SULT1B1: variants seen among roughly 807,000 people sequenced by gnomAD.
SULT1B1 encodes the protein sulfotransferase family 1B member 1.
A neutral mutation model predicts 34.6 loss-of-function variants in SULT1B1; 28 were observed. The ratio of observed to expected loss-of-function variants is 0.81; its 90% CI spans 0.60 to 1.11. SULT1B1 has a LOEUF of 1.11. Among genes scored for constraint, SULT1B1 ranks in the 50% least tolerant of loss-of-function variants. The pLI, the probability that SULT1B1 is intolerant of heterozygous loss-of-function variation, is 0.00. For missense variants in SULT1B1, 374 were observed against 352.2 expected (o/e 1.06, Z -0.50); for synonymous variants, 147 against 110.2 (o/e 1.33, Z -2.09).
Position 69,749,764 on chromosome 4 carries a change from G to A in SULT1B1, c.332C>T (p.Pro111Leu), listed in dbSNP as rs150406987. The part of the protein sequence containing the change: ...PSPRIVKTHL[P>L]TDLLPKSFWE... ...GAAAGATTTAGGAAGAAGATCAGTC[G>A]GTAGATGTGTTTTCACAATCCGGGG... The change falls in exon 4 of 8, where the codon CCG becomes CTG. Residue 111 changes from proline (P) to leucine (L), a missense_variant. Physicochemically the swap from Pro to Leu is moderately conservative, Grantham distance 98. Coordinates refer to ENST00000310613, the MANE Select transcript of SULT1B1 (RefSeq NM_014465.4). The A allele has an allele frequency of 1.7e-5, 28 of 1,613,568 alleles. No homozygotes were observed. Among genetic ancestry groups the A allele is most frequent in the African/African-American group, 1.3e-4 (10 of 75,012 alleles).
At chr4:69,730,808 GT>G in intron 6 of SULT1B1, 127 bp from the exon 7 acceptor site, 1 of 803,676 alleles carries the variant, frequency 1.2e-6, no homozygotes, top group South Asian at 2.2e-5. Context: ...ATTTGTTTGG[GT>G]TTTTCTCAAT....
rs892000826 is a variant in SULT1B1 at position 69,722,973 on chromosome 4, A to T, written c.*4115T>A. ...GATCTCAGGAAAAAGACTTTGCTGC[A>T]CATGGGGATATAAACAACTACTTCT... On this transcript the variant is annotated 3_prime_UTR_variant, in exon 8 of 8. Coordinates refer to ENST00000310613, the MANE Select transcript of SULT1B1 (RefSeq NM_014465.4). The T allele has an allele frequency of 2.0e-5, 3 of 152,022 alleles. No individual in the cohort carries two copies. The highest frequency in any genetic ancestry group is 4.4e-5 in the Non-Finnish European group (3 of 68,000). The allele number at this position is 152,022 out of a possible 1,614,324, so 9.4% of individuals were successfully genotyped here.
At chr4:69,728,154 G>A (rs982856205) in intron 7 of SULT1B1, among the ~76,000 whole-genome samples, 2 of 152,076 alleles carry the variant, frequency 1.3e-5, no homozygotes, top group Admixed American at 6.6e-5. Flanking sequence ...TAATGCATCC[G>A]TAAGGATGTC....
At chr4:69,732,763 C>T (rs1718131504) in intron 6 of SULT1B1, among the ~76,000 whole-genome samples, 1 of 150,062 alleles carries the variant, frequency 6.7e-6, no homozygotes, top group Admixed American at 6.7e-5. Flanking sequence ...TCTACACTAA[C>T]AGTGAGATAG....
At chr4:69,745,504 G>GA (rs1359965461) in intron 4 of SULT1B1, among the ~76,000 whole-genome samples, 2 of 152,000 alleles carry the variant, frequency 1.3e-5, no homozygotes, top group African/African-American at 2.4e-5. Context: ...TCTTTTGTCT[G>GA]AAAAAAATAG....
In SULT1B1 at chr4:69,755,150, G is replaced by A. The variant is rs1291495389; in HGVS notation, c.68C>T (p.Ala23Val). Residue 23 changes from alanine (A) to valine (V), a missense_variant, in exon 2 of 8, where the codon GCT becomes GTT. Physicochemically the swap from Ala to Val is moderately conservative, Grantham distance 64. Coordinates refer to ENST00000310613, the MANE Select transcript of SULT1B1 (RefSeq NM_014465.4). ...AATTTTTTCCCAGTTGCTTGCAAAAGCACAGGTCATGGGATAACCATGGAC... is the reference window on the plus strand; with the variant it reads ...AATTTTTTCCCAGTTGCTTGCAAAAACACAGGTCATGGGATAACCATGGAC... Reference protein sequence around the residue: ...KLVHGYPMTCAFASNWEKIEQ... With the variant: ...KLVHGYPMTCVFASNWEKIEQ... 1 of 1,613,950 alleles carries A rather than the reference G, an allele frequency of 6.2e-7. No individual in the cohort carries two copies. The highest frequency in any genetic ancestry group is 2.2e-5 in the East Asian group (1 of 44,872).
chr4:69,746,646 T>C (rs1014790547), intron 4 of SULT1B1, among the ~76,000 whole-genome samples: 1 of 152,226 alleles, frequency 6.6e-6, no homozygotes, highest in South Asian at 2.1e-4. Context: ...CCTTTTTCTA[T>C]ATTTCATTGA....
At position 69,723,905 on chromosome 4, in the gene SULT1B1, A is replaced by G. The variant is rs1035953720; in HGVS notation, c.*3183T>C. The G allele has an allele frequency of 6.6e-6, 1 of 152,122 alleles. No homozygotes were observed. The highest frequency in any genetic ancestry group is 1.5e-5 in the Non-Finnish European group (1 of 68,032). 9.4% of individuals were successfully genotyped at this position (152,122 alleles called of 1,614,324 possible). A position where few individuals can be genotyped will look rare whatever the true frequency, so the allele number is the denominator to read the frequency against. ...TAAGGAGAGCCCTCTATGACAAACC[A>G]CCAGCCAATATCATACTGCATGGGC... is the stretch of plus-strand genomic sequence containing the variant. On this transcript the variant is annotated 3_prime_UTR_variant, in exon 8 of 8. Transcript: ENST00000310613.
At chr4:69,738,568 G>C (rs886741925) in intron 4 of SULT1B1, among the ~76,000 whole-genome samples, 6 of 152,124 alleles carry the variant, frequency 3.9e-5, no homozygotes, top group African/African-American at 1.4e-4. Context: ...ACCTCCACCT[G>C]TTCCCTCCCA....
chr4:69,733,022 T>G (rs1320961681), intron 6 of SULT1B1, among the ~76,000 whole-genome samples: 1 of 151,998 alleles, frequency 6.6e-6, no homozygotes, highest in Non-Finnish European at 1.5e-5. Flanking sequence ...TAAGGGATGA[T>G]TAGCACATAA....
chr4:69,755,751 G>C (rs139175329), intron 1 of SULT1B1, among the ~76,000 whole-genome samples: 4 of 152,062 alleles, frequency 2.6e-5, no homozygotes, highest in Non-Finnish European at 5.9e-5. Context: ...CCTAGGTGTG[G>C]TTATTTTCAT....
Position 69,733,518 on chromosome 4 carries a change from A to G in SULT1B1, c.503-11T>C, listed in dbSNP as rs760860066. On this transcript the variant is annotated splice_polypyrimidine_tract_variant and intron_variant, in intron 5 of 7. Transcript: ENST00000310613. ...AGGAACCATAGGCCACTAAAACCAG[A>G]TAAAAGTCTATTTTCATAAACATTC... is the stretch of plus-strand genomic sequence containing the variant. 1 of 1,552,238 alleles carries G rather than the reference A, an allele frequency of 6.4e-7. No homozygotes were observed. The highest frequency in any genetic ancestry group is 1.2e-5 in the South Asian group (1 of 83,252).
At position 69,722,280 on chromosome 4, in the gene SULT1B1, T is replaced by C. The variant is rs1027633119; in HGVS notation, c.*4808A>G. The C allele has an allele frequency of 1.3e-5, 2 of 151,994 alleles. No homozygotes were observed. Among genetic ancestry groups the C allele is most frequent in the Admixed American group, 1.3e-4 (2 of 15,230 alleles). 9.4% of individuals were successfully genotyped at this position (151,994 alleles called of 1,614,324 possible). ...ATTTCTACAAAGTAAAACTAGAAAA[T>C]GTGGAAATTATTTTATCTTGCTAGT... On this transcript the variant is annotated 3_prime_UTR_variant, in exon 8 of 8. Transcript: ENST00000310613.
intron 3 of SULT1B1, among the ~76,000 whole-genome samples, chr4:69,750,993 G>A (rs1307161534): frequency 1.3e-5 from 2 of 152,164 alleles, no homozygotes; most frequent in Non-Finnish European, 2.9e-5. Flanking sequence ...TTTTTAGCAA[G>A]AATATTTCCC....
chr4:69,746,032 C>T (rs1578061095), intron 4 of SULT1B1, among the ~76,000 whole-genome samples: 1 of 152,122 alleles, frequency 6.6e-6, no homozygotes, highest in Non-Finnish European at 1.5e-5. Flanking sequence ...GAATATGGGC[C>T]CTCAATCTCT....
chr4:69,754,578 T>A (rs1461846498), intron 3 of SULT1B1, 92 bp downstream of exon 3: 1 of 1,295,238 alleles, frequency 7.7e-7, no homozygotes, highest in Non-Finnish European at 1.1e-6. Flanking sequence ...TCACCAAATC[T>A]ACTCCGGTTT....
chr4:69,758,529 T>C (rs1719276684), intron 1 of SULT1B1: 1 of 951,312 alleles, frequency 1.1e-6, no homozygotes, highest in African/African-American at 1.8e-5. Flanking sequence ...TTTCAAAAAT[T>C]GTCTATTCTG....
intron 4 of SULT1B1, among the ~76,000 whole-genome samples, chr4:69,747,869 TAGCTTCCTCCCCTTTTAGCTCC>T (rs1201175110): frequency 6.6e-6 from 1 of 152,108 alleles, no homozygotes; most frequent in East Asian, 1.9e-4. Context: ...GCAGGATTCC[TAGCTTCCTCCCCTTTTAGCTCC>T]AGGGTCTGCA....
At chr4:69,749,205 A>G (rs951411257) in intron 4 of SULT1B1, among the ~76,000 whole-genome samples, 1 of 152,164 alleles carries the variant, frequency 6.6e-6, no homozygotes, top group Non-Finnish European at 1.5e-5. Flanking sequence ...AATAATGAGT[A>G]TAATATTAAC....
Sources: allele counts gnomAD v4.1 joint callset (sites outside exome capture counted in the v4.1 genomes callset), GRCh38; gene constraint gnomAD v4.1.1; transcripts MANE v1.5; gene names NCBI Gene and HGNC (gene_info 2026-07-23, HGNC 2026-07-21).